ADAM7: variants seen among roughly 807,000 people sequenced by gnomAD.
ADAM7 encodes the protein ADAM metallopeptidase domain 7, also known as disintegrin and metalloproteinase domain-containing protein 7.
Under a neutral mutation model 102.9 loss-of-function variants are expected in ADAM7, and 97 were observed. The observed-to-expected ratio is 0.94, with a 90% confidence interval of 0.80 to 1.12. The LOEUF (loss-of-function observed/expected upper bound fraction) is 1.12. ADAM7 is among the 50% of genes most tolerant of loss of function. ADAM7 has a pLI of 0.00. For missense variants in ADAM7, 991 were observed against 908.7 expected (o/e 1.09, Z -1.16); for synonymous variants, 334 against 304.4 (o/e 1.10, Z -1.01).
intron 7 of ADAM7, among the ~76,000 whole-genome samples, chr8:24,472,603 A>G (rs757937934): frequency 6.6e-6 from 1 of 152,084 alleles, no homozygotes; most frequent in African/African-American, 2.4e-5. Flanking sequence ...CAGGTAGCAT[A>G]CCAGTATTTA....
intron 1 of ADAM7, among the ~76,000 whole-genome samples, chr8:24,441,800 C>T (rs1019859099): frequency 2.6e-5 from 4 of 152,174 alleles, no homozygotes; most frequent in African/African-American, 9.7e-5. Context: ...AGACCAAATT[C>T]AGTAATTTAC....
intron 7 of ADAM7, among the ~76,000 whole-genome samples, chr8:24,471,048 G>A (rs775131880): frequency 2.0e-5 from 3 of 151,850 alleles, no homozygotes; most frequent in Non-Finnish European, 4.4e-5. Flanking sequence ...GTAGGTTTAG[G>A]CTAATGTGTG....
Position 24,492,035 on chromosome 8 carries a change from G to A in ADAM7, c.1489G>A (p.Gly497Ser). Residue 497 changes from glycine to serine, a missense_variant, in exon 14 of 22, where the codon GGC (glycine) becomes AGC (serine). Gly to Ser is a moderately conservative substitution (Grantham distance 56). Transcript: ENST00000175238. ...TGGATTTCCTTGCAAGAACTCAGAA[G>A]GCTACTGTTTCATGGGGAAATGTCC... ...VNGFPCKNSE[G>S]YCFMGKCPTR... 3 of 1,613,984 alleles carry A rather than the reference G, an allele frequency of 1.9e-6. No individual in the cohort carries two copies. The highest frequency in any genetic ancestry group is 2.5e-6 in the Non-Finnish European group (3 of 1,179,898).
At chr8:24,447,286 A>G (rs752380760) in intron 3 of ADAM7, 24 bp downstream of exon 3, 2 of 1,333,782 alleles carry the variant, frequency 1.5e-6, no homozygotes, top group Non-Finnish European at 2.0e-6. Context: ...TGATTCCAGT[A>G]CCTTATAGAT....
chr8:24,476,969 T>C (rs955346935), intron 8 of ADAM7, among the ~76,000 whole-genome samples: 4 of 152,146 alleles, frequency 2.6e-5, no homozygotes, highest in African/African-American at 9.7e-5. Context: ...AAAAAACAAA[T>C]TGTGAATGGC....
At chr8:24,450,385 C>A (rs1818736250) in intron 3 of ADAM7, among the ~76,000 whole-genome samples, 1 of 152,060 alleles carries the variant, frequency 6.6e-6, no homozygotes, top group Non-Finnish European at 1.5e-5. Flanking sequence ...AAGTTGGATT[C>A]CTAGGTATTT....
Position 24,465,790 on chromosome 8 carries a change from C to G in ADAM7, c.389+15C>G. On this transcript the variant is annotated intron_variant, in intron 5 of 21. Transcript: ENST00000175238. The stretch of plus-strand genomic sequence containing the variant: ...AATGGTCTAAGGTAATGCAGAATAT[C>G]TTTCTTTTTCCTTTATGAGTTTTCC... 6.4e-7 allele frequency: 1 copy of G among 1,558,282 alleles called. No individual in the cohort carries two copies. Among genetic ancestry groups the G allele is most frequent in the Non-Finnish European group, 8.7e-7 (1 of 1,150,898 alleles).
At chr8:24,482,020 TTTACTAA>T in intron 8 of ADAM7, 115 bp from the exon 9 acceptor site, 1 of 692,630 alleles carries the variant, frequency 1.4e-6, no homozygotes, top group Non-Finnish European at 2.3e-6. Flanking sequence ...GCTTGCACTG[TTTACTAA>T]TGTACCTCAC....
chr8:24,508,103 C>T (rs1354596535), intron 21 of ADAM7, among the ~76,000 whole-genome samples: 1 of 152,118 alleles, frequency 6.6e-6, no homozygotes, highest in African/African-American at 2.4e-5. Context: ...ATTTCTTCCT[C>T]CTTTATTTCT....
intron 20 of ADAM7, among the ~76,000 whole-genome samples, chr8:24,503,815 G>T (rs1417295761): frequency 6.6e-6 from 1 of 151,996 alleles, no homozygotes; most frequent in Non-Finnish European, 1.5e-5. Flanking sequence ...TCATAAGTGG[G>T]AGTTGAGCAA....
At chr8:24,492,341 C>T (rs574834049) in intron 14 of ADAM7, among the ~76,000 whole-genome samples, 154 bp from the exon 15 acceptor site, 1 of 152,206 alleles carries the variant, frequency 6.6e-6, no homozygotes, top group South Asian at 2.1e-4. Flanking sequence ...AAAATATTCT[C>T]CTGAGGCAAT....
Position 24,490,834 on chromosome 8 carries a change from T to A in ADAM7, c.1302T>A (p.Cys434Ter). Reference sequence around the variant, plus strand: ...ATCCTTGCTGTGATGCACACACATGTGTACTGAAGCCAGGATTTACTTGTG... The same window carrying A: ...ATCCTTGCTGTGATGCACACACATGAGTACTGAAGCCAGGATTTACTTGTG... ...CTNPCCDAHT[C>*]VLKPGFTCAE... Residue 434 changes from cysteine to a stop codon, truncating the protein, a stop_gained, in exon 13 of 22, where the codon TGT becomes TGA. Coordinates refer to ENST00000175238, the MANE Select transcript of ADAM7 (RefSeq NM_003817.4). LOFTEE classifies it high-confidence loss of function. 1.9e-6 allele frequency: 3 copies of A among 1,613,876 alleles called. No homozygotes were observed. Among genetic ancestry groups the A allele is most frequent in the South Asian group, 1.1e-5 (1 of 91,074 alleles).
Position 24,468,838 on chromosome 8 carries a change from C to T in ADAM7, c.633+18C>T, listed in dbSNP as rs887698454. ...ATACTGTGGTAAGTTTTCAATAGAA[C>T]ATTTCTCTCTTTATTCTTCCTTTTG... On this transcript the variant is annotated intron_variant, in intron 7 of 21. Transcript: ENST00000175238. 6.2e-7 allele frequency: 1 copy of T among 1,600,364 alleles called. No homozygotes were observed. The highest frequency in any genetic ancestry group is 1.7e-5 in the Admixed American group (1 of 59,780).
At chr8:24,475,871 C>A (rs1178963325) in intron 7 of ADAM7, 2 of 452,908 alleles carry the variant, frequency 4.4e-6, no homozygotes, top group Non-Finnish European at 8.9e-6. Flanking sequence ...AAGGAGACAA[C>A]AAAAGTCAGA....
chr8:24,472,102 A>C (rs1386288795), intron 7 of ADAM7, among the ~76,000 whole-genome samples: 1 of 150,268 alleles, frequency 6.7e-6, no homozygotes, highest in African/African-American at 2.5e-5. Flanking sequence ...AATACCTAAC[A>C]ACAAAGTATA....
intron 8 of ADAM7, among the ~76,000 whole-genome samples, chr8:24,479,464 A>G (rs1017186946): frequency 4.6e-5 from 7 of 152,104 alleles, no homozygotes; most frequent in Admixed American, 4.6e-4. Flanking sequence ...TTGGCAGTTT[A>G]AAGCTTTTGT....
chr8:24,473,687 G>A (rs555031296), intron 7 of ADAM7, among the ~76,000 whole-genome samples: 2 of 152,210 alleles, frequency 1.3e-5, no homozygotes, highest in African/African-American at 2.4e-5. Context: ...ATGATCTTAT[G>A]AGAAAGTAAA....
intron 10 of ADAM7, 66 bp downstream of exon 10, chr8:24,485,427 C>T: frequency 7.0e-7 from 1 of 1,437,486 alleles, no homozygotes; most frequent in Non-Finnish European, 9.6e-7. Context: ...GTCCTGGGTT[C>T]CATGGAAAGA....
chr8:24,484,888 C>G (rs571688748), intron 9 of ADAM7, among the ~76,000 whole-genome samples: 1 of 149,574 alleles, frequency 6.7e-6, no homozygotes, highest in Non-Finnish European at 1.5e-5. Flanking sequence ...TCACTGCAAC[C>G]TCCGCCTCTC....
Sources: gnomAD v4.1 joint callset for allele counts (sites outside exome capture counted in the v4.1 genomes callset) on GRCh38, gnomAD v4.1.1 for gene constraint, MANE v1.5 for transcripts, NCBI Gene and HGNC (gene_info 2026-07-23, HGNC 2026-07-21) for gene names.